Variants in POU2F1 observed in about 807,000 individuals in gnomAD.
The protein encoded by POU2F1 is POU class 2 homeobox 1, also known as POU domain, class 2, transcription factor 1.
POU2F1 carries 16 observed loss-of-function variants against 84.9 expected under a neutral mutation model. The ratio of observed to expected loss-of-function variants is 0.19; its 90% CI spans 0.13 to 0.29. POU2F1 has a LOEUF of 0.29. Ranked by LOEUF, POU2F1 falls within the 10% of genes least tolerant of loss-of-function variation. The probability of loss-of-function intolerance (pLI) is 1.00; values close to 1 mark genes in which losing one functional copy is unlikely to be tolerated. For missense variants in POU2F1, 738 were observed against 942.6 expected, an observed-to-expected ratio of 0.78 and a Z score of 2.84; for synonymous variants, 368 against 368.3, an observed-to-expected ratio of 1.00 and a Z score of 0.01.
Position 167,401,475 on chromosome 1 carries a change from A to G in POU2F1, c.1474A>G (p.Thr492Ala), listed in dbSNP as rs1649202339. 6.2e-7 allele frequency: 1 copy of G among 1,613,172 alleles called. No homozygotes were observed. The highest frequency in any genetic ancestry group is 2.2e-5 in the East Asian group (1 of 44,830). Reference sequence around the variant, plus strand: ...GGTGGCGACCACACCAAGCCTTGTGACTAGCAGTGCAGCAACTACCCTCAC... The same window carrying G: ...GGTGGCGACCACACCAAGCCTTGTGGCTAGCAGTGCAGCAACTACCCTCAC... Reference protein sequence around the residue: ...SLVATTPSLVTSSAATTLTVS... With the variant: ...SLVATTPSLVASSAATTLTVS... Residue 492 changes from threonine to alanine, a missense_variant, in exon 13 of 16, where the codon ACT (threonine) becomes GCT (alanine). Physicochemically the swap from Thr to Ala is moderately conservative, Grantham distance 58. Transcript: ENST00000367866.
At position 167,320,021 on chromosome 1, in the gene POU2F1, T is replaced by C. The variant is rs541170627; in HGVS notation, c.62-12449T>C. ...AGCAACTAGGCAATCAGCCATTTGATTCCCTGCAGTCAAAGGTCCTGGAAG... is the reference window on the plus strand; with the variant it reads ...AGCAACTAGGCAATCAGCCATTTGACTCCCTGCAGTCAAAGGTCCTGGAAG... On this transcript the variant is annotated intron_variant, in intron 1 of 15. Coordinates refer to ENST00000367866, the MANE Select transcript of POU2F1 (RefSeq NM_002697.4). Among the ~76,000 whole-genome samples the C allele has an allele frequency of 3.3e-5, 5 of 152,308 alleles. No homozygotes were observed. The South Asian group carries it at 1.0e-3, about 32-fold the overall frequency.
intron 1 of POU2F1, among the ~76,000 whole-genome samples, chr1:167,223,466 G>T (rs1648389229): frequency 6.6e-6 from 1 of 151,906 alleles, no homozygotes; most frequent in African/African-American, 2.4e-5. Context: ...GACTAGTGTT[G>T]CCTGTCACTG....
At chr1:167,285,382 A>G (rs1009947207) in intron 1 of POU2F1, among the ~76,000 whole-genome samples, 4 of 152,180 alleles carry the variant, frequency 2.6e-5, no homozygotes, top group Admixed American at 2.0e-4. Flanking sequence ...AGGCGAGTGG[A>G]TCACGAGGTC....
chr1:167,298,800 A>T (rs1654456817), intron 1 of POU2F1, among the ~76,000 whole-genome samples: 1 of 152,158 alleles, frequency 6.6e-6, no homozygotes, highest in African/African-American at 2.4e-5. Context: ...TTTCTTCATT[A>T]AATCTGTGTG....
chr1:167,285,267 G>A (rs966867860), intron 1 of POU2F1, among the ~76,000 whole-genome samples: 1 of 152,174 alleles, frequency 6.6e-6, no homozygotes, highest in Non-Finnish European at 1.5e-5. Context: ...TTGAGTAAAT[G>A]TTTACCCGGT....
rs751758443 is a variant in POU2F1 at position 167,417,737 on chromosome 1, T to C, written c.*1927T>C. On this transcript the variant is annotated 3_prime_UTR_variant, in exon 16 of 16. Coordinates refer to ENST00000367866, the MANE Select transcript of POU2F1 (RefSeq NM_002697.4). ...TTTTTATTCTGATTGCTTTTGTTTGTGTCCACAAGGGAGCTTGGATTCTGT... is the reference window on the plus strand; with the variant it reads ...TTTTTATTCTGATTGCTTTTGTTTGCGTCCACAAGGGAGCTTGGATTCTGT... 6.6e-6 allele frequency: 1 copy of C among 152,194 alleles called. No individual in the cohort carries two copies. The highest frequency in any genetic ancestry group is 1.5e-5 in the Non-Finnish European group (1 of 68,042). 9.4% of individuals were successfully genotyped at this position (152,194 alleles called of 1,614,324 possible).
chr1:167,332,741 C>A (rs1203969317), intron 2 of POU2F1, among the ~76,000 whole-genome samples: 1 of 152,156 alleles, frequency 6.6e-6, no homozygotes, highest in Admixed American at 6.5e-5. Flanking sequence ...CGTTGTTTTG[C>A]TTCTGTCTAT....
intron 1 of POU2F1, among the ~76,000 whole-genome samples, chr1:167,263,138 T>C (rs1008624089): frequency 5.9e-5 from 9 of 152,258 alleles, no homozygotes; most frequent in African/African-American, 2.2e-4. Flanking sequence ...AAAACAAATG[T>C]AAGCTTAGTG....
intron 1 of POU2F1, among the ~76,000 whole-genome samples, chr1:167,283,410 C>G (rs983856451): frequency 2.6e-5 from 4 of 152,140 alleles, no homozygotes; most frequent in Admixed American, 2.6e-4. Context: ...TTGCTGATCT[C>G]TGAGCTAGAC....
Position 167,332,364 on chromosome 1 carries a change from T to C in POU2F1, c.62-106T>C. The C allele has an allele frequency of 4.1e-6, 3 of 738,304 alleles. No homozygotes were observed. In the Admixed American group the frequency reaches 6.8e-5, roughly 17 times the overall value. 45.7% of individuals were successfully genotyped at this position (738,304 alleles called of 1,614,324 possible). ...ATACACTGGGTCTTCTTAAACTATATGACTATAACATTAGTTAACCCTTTT... is the reference window on the plus strand; with the variant it reads ...ATACACTGGGTCTTCTTAAACTATACGACTATAACATTAGTTAACCCTTTT... On this transcript the variant is annotated intron_variant, in intron 1 of 15. Coordinates refer to ENST00000367866, the MANE Select transcript of POU2F1 (RefSeq NM_002697.4).
intron 1 of POU2F1, among the ~76,000 whole-genome samples, chr1:167,243,961 A>G (rs1047169994): frequency 3.3e-5 from 5 of 152,168 alleles, no homozygotes; most frequent in Admixed American, 6.5e-5. Flanking sequence ...CTCCACAAAT[A>G]TGGATAATGG....
At chr1:167,236,965 A>G (rs560148848) in intron 1 of POU2F1, among the ~76,000 whole-genome samples, 6 of 152,318 alleles carry the variant, frequency 3.9e-5, no homozygotes, top group African/African-American at 1.4e-4. Flanking sequence ...TTCCTACACA[A>G]GGGCTTGGAA....
intron 1 of POU2F1, among the ~76,000 whole-genome samples, chr1:167,321,679 A>T (rs146154718): frequency 1.1e-3 from 169 of 152,314 alleles, no homozygotes; most frequent in Non-Finnish European, 1.9e-3. Flanking sequence ...AACCATTTTA[A>T]ACATATAGGT....
At chr1:167,340,412 GTTTCTTT>G (rs1363914589) in intron 2 of POU2F1, among the ~76,000 whole-genome samples, 4 of 143,448 alleles carry the variant, frequency 2.8e-5, no homozygotes, top group African/African-American at 5.2e-5. Context: ...GAGCTATGTT[GTTTCTTT>G]TTTCTTTTTT....
At chr1:167,404,443 T>C (rs1355551051) in intron 13 of POU2F1, among the ~76,000 whole-genome samples, 2 of 152,214 alleles carry the variant, frequency 1.3e-5, no homozygotes, top group Admixed American at 1.3e-4. Context: ...TATTTCAGCC[T>C]ATGAACAGGA....
At chr1:167,221,119 C>CGGAGGG (rs1648094576) in intron 1 of POU2F1, among the ~76,000 whole-genome samples, 161 bp downstream of exon 1, 1 of 150,580 alleles carries the variant, frequency 6.6e-6, no homozygotes, top group South Asian at 2.1e-4. Flanking sequence ...GGGCGCTGAG[C>CGGAGGG]GGAGGGGGAA....
In POU2F1 at chr1:167,357,066, T is replaced by G. The variant is rs558134222; in HGVS notation, c.128-8401T>G. ...ACTTTAGCACAACAGGTGTGGACCA[T>G]TAGGAAATGGCCTTTCCCTGAAGCC... is the stretch of plus-strand genomic sequence containing the variant. On this transcript the variant is annotated intron_variant, in intron 2 of 15. Coordinates refer to ENST00000367866, the MANE Select transcript of POU2F1 (RefSeq NM_002697.4). Among the ~76,000 whole-genome samples, 3 of 152,222 alleles carry G rather than the reference T, an allele frequency of 2.0e-5. No homozygotes were observed. In the South Asian group the frequency reaches 6.2e-4, roughly 32 times the overall value.
chr1:167,363,916 C>T (rs1659500593), intron 2 of POU2F1, among the ~76,000 whole-genome samples: 1 of 152,178 alleles, frequency 6.6e-6, no homozygotes, highest in South Asian at 2.1e-4. Context: ...CTTACAAACA[C>T]TGCTGTAAGG....
chr1:167,247,040 G>A (rs1428300143), intron 1 of POU2F1, among the ~76,000 whole-genome samples: 32 of 4,568 alleles, frequency 7.0e-3, no homozygotes, highest in Middle Eastern at 0.25. Context: ...ATATATATAT[G>A]TGTGTGTGTG....
Sources: gnomAD v4.1 joint callset for allele counts (sites outside exome capture counted in the v4.1 genomes callset) on GRCh38, gnomAD v4.1.1 for gene constraint, MANE v1.5 for transcripts, NCBI Gene and HGNC (gene_info 2026-07-23, HGNC 2026-07-21) for gene names.